Variants in PRKAR1A observed in about 807,000 individuals in gnomAD.
PRKAR1A encodes the protein protein kinase cAMP-dependent type I regulatory subunit alpha.
In PRKAR1A, 3 loss-of-function variants were observed where a neutral mutation model predicts 52.0. The observed-to-expected ratio is 0.06, with a 90% CI of 0.03 to 0.15. The LOEUF (loss-of-function observed/expected upper bound fraction) is 0.15, where lower values mean the gene tolerates loss of function less well. Ranked by LOEUF, PRKAR1A falls within the 10% of genes least tolerant of loss-of-function variation. The pLI, the probability that PRKAR1A is intolerant of heterozygous loss-of-function variation, is 1.00. For synonymous variants in PRKAR1A, 188 were observed against 168.4 expected (o/e 1.12, Z -0.90); for missense variants, 240 against 477.4 (o/e 0.50, Z 4.63).
chr17:68,543,897 C>T (rs1389259025), intron 11 of PRKAR1A, among the ~76,000 whole-genome samples: 1 of 152,122 alleles, frequency 6.6e-6, no homozygotes, highest in African/African-American at 2.4e-5. Context: ...CAGGAGAAGA[C>T]AAGCAAAGTG....
intron 11 of PRKAR1A, chr17:68,540,867 T>C (rs1318531247): frequency 5.0e-6 from 8 of 1,603,046 alleles, no homozygotes; most frequent in Non-Finnish European, 6.8e-6. Context: ...AAGTCGAAGA[T>C]GGCCATGTCG....
chr17:68,501,461 T>C, the PRKAR1A span, among the ~76,000 whole-genome samples: 52 of 152,266 alleles, frequency 3.4e-4, no homozygotes, highest in African/African-American at 1.2e-3. Context: ...CAGCATTCTC[T>C]CTCTCTCTTT....
rs759286129 is a variant in PRKAR1A, at chr17:68,540,813, C to G, written c.974-10271C>G. 86 of 1,566,392 alleles carry G rather than the reference C, an allele frequency of 5.5e-5. No individual in the cohort carries two copies. The African/African-American group carries it at 9.3e-4, about 17-fold the overall frequency. ...GGGGAACCCTAGCCACATAGCAGAG[C>G]CCACTTCTGCTGGGGGCCTGCGTGT... On this transcript the variant is annotated intron_variant, in intron 11 of 11. Coordinates refer to the PRKAR1A transcript ENST00000585981.
intron 2 of PRKAR1A, among the ~76,000 whole-genome samples, chr17:68,516,785 A>G (rs959617690): frequency 1.3e-5 from 2 of 151,988 alleles, no homozygotes; most frequent in Non-Finnish European, 2.9e-5. Flanking sequence ...TCTTGGAATT[A>G]TAGTAGATAT....
the PRKAR1A span, among the ~76,000 whole-genome samples, chr17:68,500,879 G>C: frequency 6.6e-6 from 1 of 152,142 alleles, no homozygotes; most frequent in Non-Finnish European, 1.5e-5. Flanking sequence ...AAGTGCTCAG[G>C]TAAGGACACT....
At chr17:68,486,515 T>TCCTTCCTTCCTTCCC in the PRKAR1A span, among the ~76,000 whole-genome samples, 194 of 58,652 alleles carry the variant, frequency 3.3e-3, 2 homozygotes, top group Middle Eastern at 8.8e-3. Context: ...CCTTCTTTCT[T>TCCTTCCTTCCTTCCC]TCTTTCTTTC....
the PRKAR1A span, among the ~76,000 whole-genome samples, chr17:68,496,809 T>C: frequency 1.4e-5 from 2 of 144,356 alleles, no homozygotes; most frequent in South Asian, 4.4e-4. Flanking sequence ...CTCTTAAGCT[T>C]AGTTTTTACT....
At chr17:68,471,150 A>T in the PRKAR1A span, among the ~76,000 whole-genome samples, 4 of 152,190 alleles carry the variant, frequency 2.6e-5, no homozygotes, top group African/African-American at 9.6e-5. Context: ...ACTGAAAGAC[A>T]ACTAAATGTC....
At chr17:68,483,686 A>T in the PRKAR1A span, among the ~76,000 whole-genome samples, 1 of 151,904 alleles carries the variant, frequency 6.6e-6, no homozygotes, top group Non-Finnish European at 1.5e-5. Context: ...ACATGGAGAA[A>T]CCCTATCTCT....
chr17:68,436,264 A>G, the PRKAR1A span: 1 of 849,486 alleles, frequency 1.2e-6, no homozygotes, highest in East Asian at 2.4e-5. Flanking sequence ...ACAACTCCCC[A>G]GTATTGCTTA....
chr17:68,542,314 C>T (rs1473367386), intron 11 of PRKAR1A: 4 of 925,212 alleles, frequency 4.3e-6, no homozygotes, highest in Admixed American at 2.2e-5. Flanking sequence ...TTGACTTTTC[C>T]AGAAGTGAGG....
At chr17:68,471,619 T>C in the PRKAR1A span, among the ~76,000 whole-genome samples, 9 of 152,044 alleles carry the variant, frequency 5.9e-5, no homozygotes, top group African/African-American at 2.2e-4. Context: ...GTTGGGGCCA[T>C]GAGAGGGGAT....
intron 2 of PRKAR1A, among the ~76,000 whole-genome samples, chr17:68,522,479 TGTTACTCACATGTTATGTGA>T (rs1186635741): frequency 2.0e-5 from 3 of 152,256 alleles, no homozygotes; most frequent in Non-Finnish European, 4.4e-5. Flanking sequence ...ATATCTGATT[TGTTACTCACATGTTATGTGA>T]GTACTAATGG....
chr17:68,531,669 C>G lies in PRKAR1A; in HGVS notation c.*1220C>G. On this transcript the variant is annotated 3_prime_UTR_variant, in exon 11 of 11. Transcript: ENST00000589228. ...CTGAAAGGCTATCCTGCTGAAAGTC[C>G]TGCTTTCCTATCTAGCATTTATTTC... 1 of 1,065,910 alleles carries G rather than the reference C, an allele frequency of 9.4e-7. No homozygotes were observed. Among genetic ancestry groups the G allele is most frequent in the Non-Finnish European group, 1.1e-6 (1 of 879,244 alleles). 66.0% of individuals were successfully genotyped at this position (1,065,910 alleles called of 1,614,324 possible).
chr17:68,498,634 G>C, the PRKAR1A span, among the ~76,000 whole-genome samples: 1 of 152,230 alleles, frequency 6.6e-6, no homozygotes, highest in Non-Finnish European at 1.5e-5. Context: ...ATCTCCTGCA[G>C]CCTTGGCTGC....
chr17:68,518,532 A>G (rs2085502185), intron 2 of PRKAR1A, among the ~76,000 whole-genome samples: 1 of 152,194 alleles, frequency 6.6e-6, no homozygotes, highest in Non-Finnish European at 1.5e-5. Context: ...CCTTTTAGCC[A>G]AGACTGGAGC....
chr17:68,459,306 G>A, the PRKAR1A span, among the ~76,000 whole-genome samples: 1 of 152,174 alleles, frequency 6.6e-6, no homozygotes, highest in Non-Finnish European at 1.5e-5. Flanking sequence ...CCTAGAATCT[G>A]GCATGCTAGG....
downstream of PRKAR1A, chr17:68,535,502 C>T (rs148160558): frequency 1.8e-3 from 827 of 454,032 alleles, 13 homozygotes; most frequent in East Asian, 0.041. Flanking sequence ...CAGATATTTT[C>T]CCATTTCTGT....
the PRKAR1A span, among the ~76,000 whole-genome samples, chr17:68,472,666 C>T: frequency 2.0e-5 from 3 of 152,150 alleles, no homozygotes; most frequent in African/African-American, 7.2e-5. Context: ...TATGTAATGG[C>T]TGGGTGCAGT....
Sources: gnomAD v4.1 joint callset for allele counts (sites outside exome capture counted in the v4.1 genomes callset) on GRCh38, gnomAD v4.1.1 for gene constraint, MANE v1.5 for transcripts, NCBI Gene and HGNC (gene_info 2026-07-23, HGNC 2026-07-21) for gene names.